The following B4GALNT3 variants were observed in gnomAD, a reference collection of about 807,000 sequenced individuals.
B4GALNT3 encodes the protein beta-1,4-N-acetylgalactosaminyltransferase 3.
B4GALNT3 carries 86 observed loss-of-function variants against 120.2 expected under a neutral mutation model. That is an observed-to-expected ratio of 0.72 (90% CI 0.60 to 0.86). B4GALNT3 has a LOEUF of 0.86. Among genes scored for constraint, B4GALNT3 ranks in the 40% least tolerant of loss-of-function variants. B4GALNT3 has a pLI of 0.00. For synonymous variants in B4GALNT3, 518 were observed against 510.4 expected (o/e 1.01, Z -0.20); for missense variants, 1,167 against 1,298.9 (o/e 0.90, Z 1.56).
chr12:550,925 C>T lies in B4GALNT3; in HGVS notation c.1001C>T (p.Pro334Leu). 1 of 1,611,710 alleles carries T rather than the reference C, an allele frequency of 6.2e-7. No homozygotes were observed. The highest frequency in any genetic ancestry group is 8.5e-7 in the Non-Finnish European group (1 of 1,177,766). ...CCTCCTCCTCCACTGTCCTCAGTGCCTCTGATCCCCAAGTCGCATCTCCGC... is the reference window on the plus strand; with the variant it reads ...CCTCCTCCTCCACTGTCCTCAGTGCTTCTGATCCCCAAGTCGCATCTCCGC... ...PDPRDTLYRV[P>L]LIPKSHLRHV... The change falls in exon 11 of 20, where the codon CCT (proline) becomes CTT (leucine). Residue 334 changes from proline (P) to leucine (L), a missense_variant. This residue lies in a region of B4GALNT3 where 983 missense variants were observed against 1,102.5 expected (regional missense o/e 0.89). Transcript: ENST00000266383. The surrounding 1 kb of genome is among the most constrained non-coding windows in gnomAD (Gnocchi z 4.1).
intron 1 of B4GALNT3, among the ~76,000 whole-genome samples, chr12:533,005 C>T (rs1217967486): frequency 6.6e-6 from 1 of 152,206 alleles, no homozygotes; most frequent in East Asian, 1.9e-4. Context: ...TCCCCACAAG[C>T]TTCTCTTGAG....
chr12:513,936 A>G (rs1224065992), intron 1 of B4GALNT3, among the ~76,000 whole-genome samples: 1 of 152,114 alleles, frequency 6.6e-6, no homozygotes, highest in Non-Finnish European at 1.5e-5. Flanking sequence ...GATAGACCAC[A>G]TTTTGCTTCT....
intron 1 of B4GALNT3, among the ~76,000 whole-genome samples, chr12:494,578 G>A (rs535987591): frequency 1.3e-5 from 2 of 152,300 alleles, no homozygotes; most frequent in Non-Finnish European, 2.9e-5. Context: ...GTTGAGGCCA[G>A]CACCCAGGTA....
At chr12:483,370 G>A (rs1162421871) in intron 1 of B4GALNT3, among the ~76,000 whole-genome samples, 1 of 152,172 alleles carries the variant, frequency 6.6e-6, no homozygotes, top group Non-Finnish European at 1.5e-5. Flanking sequence ...TACAAGGCAG[G>A]GTGGTAAGAA....
intron 1 of B4GALNT3, among the ~76,000 whole-genome samples, chr12:485,283 T>C (rs977471765): frequency 6.6e-6 from 1 of 152,174 alleles, no homozygotes; most frequent in Non-Finnish European, 1.5e-5. Context: ...AGAAGAAAGA[T>C]GTACTTACAG....
intron 6 of B4GALNT3, among the ~76,000 whole-genome samples, chr12:545,819 AGC>A (rs1360263839): frequency 1.7e-5 from 1 of 60,036 alleles, no homozygotes; most frequent in Non-Finnish European, 3.0e-5. Flanking sequence ...AGTGGGGAGG[AGC>A]GAGGAGTGGG....
chr12:511,373 C>T (rs372994753), intron 1 of B4GALNT3, among the ~76,000 whole-genome samples: 68 of 125,896 alleles, frequency 5.4e-4, no homozygotes, highest in African/African-American at 6.6e-4. Context: ...TTCAACCTTC[C>T]GCCTTCCGCC....
intron 1 of B4GALNT3, among the ~76,000 whole-genome samples, chr12:533,498 A>G (rs1448487438): frequency 6.6e-6 from 1 of 152,210 alleles, no homozygotes; most frequent in Non-Finnish European, 1.5e-5. Context: ...AAACCCAGAG[A>G]CAGATCCCCT....
At chr12:513,118 C>T (rs530810811) in intron 1 of B4GALNT3, among the ~76,000 whole-genome samples, 1 of 145,048 alleles carries the variant, frequency 6.9e-6, no homozygotes, top group South Asian at 2.2e-4. Context: ...TGCCTTCCTT[C>T]CACCTTCCGC....
intron 1 of B4GALNT3, among the ~76,000 whole-genome samples, chr12:475,498 C>G (rs1946176382): frequency 6.6e-6 from 1 of 152,156 alleles, no homozygotes; most frequent in African/African-American, 2.4e-5. Context: ...CACTTCCTGT[C>G]CCGGCAGAAC....
At chr12:545,303 A>C in intron 5 of B4GALNT3, 66 bp from the exon 6 acceptor site, 1 of 1,544,966 alleles carries the variant, frequency 6.5e-7, no homozygotes, top group Non-Finnish European at 8.8e-7. Context: ...AGACACTCAC[A>C]AAAGCCTCCA....
intron 1 of B4GALNT3, among the ~76,000 whole-genome samples, chr12:515,024 AAAAG>A (rs1423730034): frequency 1.3e-5 from 2 of 152,162 alleles, no homozygotes; most frequent in Non-Finnish European, 2.9e-5. Context: ...TCTCAAAAAG[AAAAG>A]AAAGAAAGAA....
chr12:563,509 AG>A (rs1947253139), downstream of B4GALNT3: 1 of 150,296 alleles, frequency 6.7e-6, no homozygotes, highest in African/African-American at 2.4e-5. Context: ...AAAAAAAAAA[AG>A]GTGCTTGTCT....
At chr12:468,653 C>T (rs948641290) in intron 1 of B4GALNT3, among the ~76,000 whole-genome samples, 2 of 152,226 alleles carry the variant, frequency 1.3e-5, no homozygotes, top group African/African-American at 4.8e-5. Flanking sequence ...AGCAAGGACA[C>T]CTCAACATGA....
At chr12:468,526 G>A (rs1394309659) in intron 1 of B4GALNT3, among the ~76,000 whole-genome samples, 1 of 152,158 alleles carries the variant, frequency 6.6e-6, no homozygotes, top group African/African-American at 2.4e-5. Context: ...CAATAAAATT[G>A]GAGGCATCCT....
chr12:538,957 C>T lies in B4GALNT3; in HGVS notation c.351+2662C>T, dbSNP rs542846016. ...ACTGTCCGGGAGCTGTCAGGTTGTTCTGTTATCCCTCTTCCAGATAATGGC... is the reference window on the plus strand; with the variant it reads ...ACTGTCCGGGAGCTGTCAGGTTGTTTTGTTATCCCTCTTCCAGATAATGGC... On this transcript the variant is annotated intron_variant, in intron 3 of 19. Coordinates refer to ENST00000266383, the MANE Select transcript of B4GALNT3 (RefSeq NM_173593.4). Among the ~76,000 whole-genome samples, 10 of 152,336 alleles carry T rather than the reference C, an allele frequency of 6.6e-5. No homozygotes were observed. The East Asian group carries it at 1.3e-3, about 21-fold the overall frequency.
chr12:465,824 C>T (rs1946072639), intron 1 of B4GALNT3, among the ~76,000 whole-genome samples: 1 of 142,060 alleles, frequency 7.0e-6, no homozygotes, highest in Admixed American at 7.0e-5. Flanking sequence ...CCTGCCACTC[C>T]CTGTCCTGGG....
intron 1 of B4GALNT3, among the ~76,000 whole-genome samples, chr12:496,365 C>T (rs772722811): frequency 2.0e-5 from 3 of 152,006 alleles, no homozygotes; most frequent in Admixed American, 1.3e-4. Context: ...TTTGGGAGGC[C>T]GAGGTGGGCA....
intron 1 of B4GALNT3, among the ~76,000 whole-genome samples, chr12:520,745 C>T (rs574319071): frequency 2.2e-4 from 28 of 126,202 alleles, no homozygotes; most frequent in Admixed American, 8.9e-4. Flanking sequence ...GAGCCGAGAT[C>T]GTGCCACTGC....
Sources: allele counts gnomAD v4.1 joint callset (sites outside exome capture counted in the v4.1 genomes callset), GRCh38; gene constraint gnomAD v4.1.1; regional missense constraint gnomAD v4.1.1; non-coding constraint Gnocchi (gnomAD v3.1); transcripts MANE v1.5; gene names NCBI Gene and HGNC (gene_info 2026-07-23, HGNC 2026-07-21).